The following CYTH3 variants were observed in gnomAD, a reference collection of about 807,000 sequenced individuals.
CYTH3 encodes the protein cytohesin-3.
A neutral mutation model predicts 55.1 loss-of-function variants in CYTH3; 23 were observed. The ratio of observed to expected loss-of-function variants is 0.42; its 90% confidence interval spans 0.30 to 0.59. CYTH3 has a LOEUF of 0.59. Among genes scored for constraint, CYTH3 ranks in the 20% least tolerant of loss-of-function variants. CYTH3 has a pLI of 0.20. For missense variants in CYTH3, 413 were observed against 524.8 expected (o/e 0.79, Z 2.08); for synonymous variants, 249 against 194.9 (o/e 1.28, Z -2.31).
intron 1 of CYTH3, among the ~76,000 whole-genome samples, chr7:6,210,142 T>C (rs1784292299): frequency 6.6e-6 from 1 of 152,216 alleles, no homozygotes; most frequent in African/African-American, 2.4e-5. Context: ...GTTTATCCAT[T>C]GTAAGAAATG....
chr7:6,260,811 C>T (rs1335530887), intron 1 of CYTH3, among the ~76,000 whole-genome samples: 1 of 152,152 alleles, frequency 6.6e-6, no homozygotes, highest in African/African-American at 2.4e-5. Context: ...CCTATGTGAG[C>T]TCTTCCACCC....
rs555076642 is a variant in CYTH3, at chr7:6,169,570, G to A, written c.823+965C>T. The stretch of plus-strand genomic sequence containing the variant: ...CTCCATGTCTCACGTGCTGCCCAGC[G>A]GCCGCCTGCTCTCAGAAAGGCTTGC... On this transcript the variant is annotated intron_variant, in intron 9 of 12. Transcript: ENST00000350796. This position sits in a 1 kb window ranked among gnomAD's most constrained non-coding sequence, Gnocchi z 4.1. Among the ~76,000 whole-genome samples the A allele has an allele frequency of 6.6e-6, 1 of 152,182 alleles. No homozygotes were observed. Among genetic ancestry groups the A allele is most frequent in the African/African-American group, 2.4e-5 (1 of 41,512 alleles).
At chr7:6,202,401 A>G (rs1373439002) in intron 1 of CYTH3, among the ~76,000 whole-genome samples, 2 of 151,634 alleles carry the variant, frequency 1.3e-5, no homozygotes, top group Non-Finnish European at 2.9e-5. Flanking sequence ...CAAGAGCAGC[A>G]CGTGAACCGC....
chr7:6,192,022 G>T (rs1275097035), intron 1 of CYTH3, among the ~76,000 whole-genome samples: 1 of 152,036 alleles, frequency 6.6e-6, no homozygotes, highest in Non-Finnish European at 1.5e-5. Context: ...TGAGGCTGCA[G>T]TGAGCTATGA....
In CYTH3 at chr7:6,187,690, G is replaced by C; in HGVS notation, c.149C>G (p.Thr50Arg). The C allele has an allele frequency of 6.2e-7, 1 of 1,614,114 alleles. No homozygotes were observed. The highest frequency in any genetic ancestry group is 8.5e-7 in the Non-Finnish European group (1 of 1,179,974). Residue 50 changes from threonine (T) to arginine (R), a missense_variant, in exon 3 of 13, where the codon ACA becomes AGA. Around this residue, in one of 4 missense-constraint regions of CYTH3, gnomAD observed 152 missense variants for 148.1 expected, o/e 1.03. Transcript: ENST00000350796. ...TACGGAAGTTAGATTGTCGATCTCTGTCATCACCTCTGCAATTTCATATTT... is the reference window on the plus strand; with the variant it reads ...TACGGAAGTTAGATTGTCGATCTCTCTCATCACCTCTGCAATTTCATATTT... Reference protein sequence around the residue: ...RLKYEIAEVMTEIDNLTSVEE... With the variant: ...RLKYEIAEVMREIDNLTSVEE...
intron 1 of CYTH3, among the ~76,000 whole-genome samples, chr7:6,257,252 C>T (rs953528075): frequency 6.6e-6 from 1 of 152,140 alleles, no homozygotes; most frequent in Admixed American, 6.5e-5. Flanking sequence ...TGTGAACAGG[C>T]CAAACATTCA....
chr7:6,255,067 T>C (rs1310068832), intron 1 of CYTH3, among the ~76,000 whole-genome samples: 3 of 152,228 alleles, frequency 2.0e-5, no homozygotes, highest in African/African-American at 7.2e-5. Flanking sequence ...ACTAACAGTT[T>C]TGAATGCCTA....
intron 1 of CYTH3, among the ~76,000 whole-genome samples, chr7:6,230,681 A>G (rs905738565): frequency 6.6e-6 from 1 of 152,222 alleles, no homozygotes; most frequent in Admixed American, 6.5e-5. Context: ...TTACTACATG[A>G]GAAGGATCCA....
intron 1 of CYTH3, among the ~76,000 whole-genome samples, chr7:6,193,942 A>T (rs1783860525): frequency 1.3e-5 from 2 of 152,140 alleles, no homozygotes; most frequent in South Asian, 2.1e-4. Flanking sequence ...CCCTGGACAG[A>T]GGCTGGGACA....
At chr7:6,255,767 T>C (rs950015742) in intron 1 of CYTH3, among the ~76,000 whole-genome samples, 47 of 144,300 alleles carry the variant, frequency 3.3e-4, no homozygotes, top group African/African-American at 1.1e-3. Flanking sequence ...TGTTTTTTTT[T>C]TTTTTTTTTT....
Position 6,205,853 on chromosome 7 carries a change from G to C in CYTH3, c.35-15322C>G, listed in dbSNP as rs76748102. ...CGGGCCACTGCACTCTAACCTGGGT[G>C]ACAGAGCAAGGTCCTATCTCTTAAA... On this transcript the variant is annotated intron_variant, in intron 1 of 12. Transcript: ENST00000350796. 7.3e-3 allele frequency among the ~76,000 whole-genome samples: 820 copies of C among 112,148 alleles called. 9 individuals are homozygous for C. The highest frequency in any genetic ancestry group is 0.027 in the African/African-American group (775 of 28,366). The allele number at this position is 112,148 out of a possible 152,430, so 73.6% of individuals were successfully genotyped here.
chr7:6,178,265 T>TA (rs766453934), intron 4 of CYTH3, among the ~76,000 whole-genome samples: 4 of 152,256 alleles, frequency 2.6e-5, no homozygotes, highest in Non-Finnish European at 5.9e-5. Flanking sequence ...CTTAGAAAGA[T>TA]AGTTTATTCT....
rs1410415881 is a variant in CYTH3, at chr7:6,192,563, C to T, written c.35-2032G>A. ...TTTTTTTTTTTTTGAGACAGAGTCT[C>T]GCTCTGTCGCCAGGCTGGAGTGCGG... On this transcript the variant is annotated intron_variant, in intron 1 of 12. Transcript: ENST00000350796. 3.1e-4 allele frequency among the ~76,000 whole-genome samples: 41 copies of T among 131,080 alleles called. No individual in the cohort carries two copies. The East Asian group carries it at 3.6e-3, about 12-fold the overall frequency. The allele number at this position is 131,080 out of a possible 152,430, so 86.0% of individuals were successfully genotyped here. A position where few individuals can be genotyped will look rare whatever the true frequency, so the allele number is the denominator to read the frequency against.
At chr7:6,172,984 G>A (rs1783242994) in intron 6 of CYTH3, 4 of 1,105,886 alleles carry the variant, frequency 3.6e-6, no homozygotes, top group Non-Finnish European at 4.5e-6. Context: ...AGAAGATGAC[G>A]AGGTGCGGCC....
chr7:6,236,298 G>C (rs894261906), intron 1 of CYTH3, among the ~76,000 whole-genome samples: 1 of 151,526 alleles, frequency 6.6e-6, no homozygotes, highest in Non-Finnish European at 1.5e-5. Flanking sequence ...TGACCTTCTG[G>C]GCTCAAACAA....
chr7:6,230,144 T>C (rs1197723606), intron 1 of CYTH3, among the ~76,000 whole-genome samples: 2 of 151,904 alleles, frequency 1.3e-5, no homozygotes, highest in Non-Finnish European at 2.9e-5. Context: ...CAAAAATAAA[T>C]AAAAATAAAC....
intron 1 of CYTH3, among the ~76,000 whole-genome samples, chr7:6,204,118 G>C (rs1210907379): frequency 6.6e-6 from 1 of 151,894 alleles, no homozygotes; most frequent in Non-Finnish European, 1.5e-5. Context: ...TTCTAAGTGA[G>C]AAGGATTCAT....
At chr7:6,224,723 C>T (rs868231554) in intron 1 of CYTH3, among the ~76,000 whole-genome samples, 1 of 152,128 alleles carries the variant, frequency 6.6e-6, no homozygotes, top group Non-Finnish European at 1.5e-5. Flanking sequence ...ACCCAAAGAG[C>T]TGAAAACAGG....
intron 1 of CYTH3, among the ~76,000 whole-genome samples, chr7:6,270,894 T>C (rs529924300): frequency 3.3e-5 from 5 of 152,322 alleles, no homozygotes; most frequent in African/African-American, 4.8e-5. Flanking sequence ...TGCTTTAATC[T>C]TCAAGTCTAC....
Sources: gnomAD v4.1 joint callset for allele counts (sites outside exome capture counted in the v4.1 genomes callset) on GRCh38, gnomAD v4.1.1 for gene constraint, gnomAD v4.1.1 regional missense constraint, Gnocchi (gnomAD v3.1) non-coding constraint, MANE v1.5 for transcripts, NCBI Gene and HGNC (gene_info 2026-07-23, HGNC 2026-07-21) for gene names.